ZNF519: variants seen among roughly 807,000 people sequenced by gnomAD.
ZNF519 encodes similar to Zinc finger protein 85 (Zinc finger protein HPF4) (HTF1).
A neutral mutation model predicts 7.4 loss-of-function variants in ZNF519; 7 were observed. That is an observed-to-expected ratio of 0.94 (90% CI 0.54 to 1.77). ZNF519 has a LOEUF of 1.77. ZNF519 is among the 40% of genes most tolerant of loss of function. ZNF519 has a pLI of 0.00. For synonymous variants in ZNF519, 179 were observed against 203.3 expected (o/e 0.88, Z 1.02); for missense variants, 586 against 623.1 (o/e 0.94, Z 0.63).
intron 2 of ZNF519, among the ~76,000 whole-genome samples, chr18:14,088,989 A>C (rs1011059029): frequency 6.6e-6 from 1 of 152,176 alleles, no homozygotes; most frequent in African/African-American, 2.4e-5. Context: ...ACTGAAAAAA[A>C]CATTTATTTT....
intron 3 of ZNF519, chr18:14,084,052 T>G (rs2046080340): frequency 6.6e-6 from 1 of 152,002 alleles, no homozygotes; most frequent in Non-Finnish European, 1.5e-5. Flanking sequence ...CACAGTGACA[T>G]GGAGATGGGA....
chr18:14,071,273 A>G (rs1315020509), downstream of ZNF519: 1 of 152,142 alleles, frequency 6.6e-6, no homozygotes, highest in Non-Finnish European at 1.5e-5. Context: ...TATTAAAAAT[A>G]TGTGTACAAA....
At chr18:14,120,172 A>G (rs1320856559) in intron 2 of ZNF519, among the ~76,000 whole-genome samples, 1 of 152,160 alleles carries the variant, frequency 6.6e-6, no homozygotes, top group Non-Finnish European at 1.5e-5. Flanking sequence ...TAGTAATGAA[A>G]AGAGTGTGGT....
chr18:14,105,253 C>A lies in ZNF519; in HGVS notation c.1287G>T (p.Glu429Asp). 1.2e-6 allele frequency: 2 copies of A among 1,613,246 alleles called. No individual in the cohort carries two copies. Among genetic ancestry groups the A allele is most frequent in the East Asian group, 2.2e-5 (1 of 44,854 alleles). The change falls in exon 3 of 3, where the codon GAG (glutamate) becomes GAT (aspartate). Residue 429 changes from glutamate to aspartate, a missense_variant. Transcript: ENST00000590202. The part of the protein sequence containing the change: ...LTQHQRIHTG[E>D]KHFKCKECGK... ...CACATTCTTTACATTTGAAGTGTTTCTCTCCAGTATGGATTCTCTGATGTT... is the reference window on the plus strand; with the variant it reads ...CACATTCTTTACATTTGAAGTGTTTATCTCCAGTATGGATTCTCTGATGTT...
At position 14,132,381 on chromosome 18, in the gene ZNF519, G is replaced by C. The variant is rs556199512; in HGVS notation, c.-104C>G. The C allele has an allele frequency of 1.7e-4, 241 of 1,436,394 alleles. 1 individual carries two copies. The African/African-American group carries it at 2.8e-3, about 17-fold the overall frequency. The allele number at this position is 1,436,394 out of a possible 1,614,324, so 89.0% of individuals were successfully genotyped here. ...GGCAGAATCACCGAAGTCTCCCGGAGCAGAGGACACAAGGCAATGAAGCCC... is the reference window on the plus strand; with the variant it reads ...GGCAGAATCACCGAAGTCTCCCGGACCAGAGGACACAAGGCAATGAAGCCC... On this transcript the variant is annotated 5_prime_UTR_variant, in exon 1 of 3. Transcript: ENST00000590202.
At chr18:14,130,764 A>T (rs1407248119) in intron 1 of ZNF519, among the ~76,000 whole-genome samples, 218 of 150,914 alleles carry the variant, frequency 1.4e-3, no homozygotes, top group African/African-American at 4.9e-3. Context: ...GAAGACAGGA[A>T]TAGTCTATCT....
chr18:14,110,497 A>C (rs2046214597), intron 2 of ZNF519, among the ~76,000 whole-genome samples: 1 of 152,032 alleles, frequency 6.6e-6, no homozygotes, highest in Non-Finnish European at 1.5e-5. Flanking sequence ...AATTAGCCAA[A>C]TAATAATAAT....
rs2046162284 is a variant in ZNF519 at position 14,101,672 on chromosome 18, C to T, written c.*3245G>A. ...TATAGAGACCATCTCTACACCCACA[C>T]CCCAATCGAGGCAGGAATGGCCATG... On this transcript the variant is annotated 3_prime_UTR_variant, in exon 3 of 3. Coordinates refer to ENST00000590202, the MANE Select transcript of ZNF519 (RefSeq NM_145287.4). 5.0e-6 allele frequency: 2 copies of T among 398,584 alleles called. No individual in the cohort carries two copies. The highest frequency in any genetic ancestry group is 8.8e-6 in the Non-Finnish European group (2 of 226,148). The allele number at this position is 398,584 out of a possible 1,614,324, so 24.7% of individuals were successfully genotyped here.
downstream of ZNF519, among the ~76,000 whole-genome samples, chr18:14,096,319 A>G (rs1291924828): frequency 1.3e-5 from 2 of 152,216 alleles, no homozygotes; most frequent in Non-Finnish European, 2.9e-5. Context: ...ACCAGGTATT[A>G]TAATTTCTCA....
chr18:14,090,386 G>C (rs1253973712), intron 2 of ZNF519: 1 of 152,186 alleles, frequency 6.6e-6, no homozygotes, highest in African/African-American at 2.4e-5. Context: ...CAGTTTTCTT[G>C]GTTCAAGAAA....
At chr18:14,130,883 CT>C (rs1356704669) in intron 1 of ZNF519, among the ~76,000 whole-genome samples, 2 of 151,280 alleles carry the variant, frequency 1.3e-5, no homozygotes, top group African/African-American at 4.9e-5. Flanking sequence ...CCAAGGGATT[CT>C]TTTTTTACAG....
exon 5 of ZNF519, chr18:14,076,999 G>C (rs2046050313): frequency 6.6e-6 from 1 of 152,096 alleles, no homozygotes; most frequent in African/African-American, 2.4e-5. Flanking sequence ...CACTATCGAA[G>C]GCATGAAGGT....
chr18:14,096,696 C>T (rs2046138244), downstream of ZNF519, among the ~76,000 whole-genome samples: 2 of 152,042 alleles, frequency 1.3e-5, no homozygotes, highest in Non-Finnish European at 2.9e-5. Flanking sequence ...TGTCTCCAAC[C>T]TTTAAGAGCT....
intron 2 of ZNF519, among the ~76,000 whole-genome samples, chr18:14,122,788 T>G (rs2046276121): frequency 6.6e-6 from 1 of 152,160 alleles, no homozygotes; most frequent in African/African-American, 2.4e-5. Context: ...AGTGATTTTT[T>G]TTTTATTATA....
At chr18:14,124,177 TAA>T (rs199578474) in intron 2 of ZNF519, 171 bp downstream of exon 2, 8,299 of 382,934 alleles carry the variant, frequency 0.022, no homozygotes, top group South Asian at 0.03. Context: ...CTGTCTCAAT[TAA>T]AAAAAAAAAA....
downstream of ZNF519, chr18:14,072,256 A>C (rs1465875125): frequency 1.3e-5 from 2 of 152,214 alleles, no homozygotes; most frequent in Admixed American, 6.5e-5. Context: ...TTTGATGGAC[A>C]TAAAAACACG....
In ZNF519 at chr18:14,079,570, A is replaced by C. The variant is rs539548571; in HGVS notation, c.*178-1272T>G. 2.6e-5 allele frequency among the ~76,000 whole-genome samples: 4 copies of C among 152,318 alleles called. No individual in the cohort carries two copies. The South Asian group carries it at 8.3e-4, about 32-fold the overall frequency. On this transcript the variant is annotated intron_variant and NMD_transcript_variant, in intron 3 of 4. Transcript: ENST00000587419. ...GTATTGATGAAATAATAGACAAATCAATGGGAAGAACAGAGAACCTAGAAA... is the reference window on the plus strand; with the variant it reads ...GTATTGATGAAATAATAGACAAATCCATGGGAAGAACAGAGAACCTAGAAA...
At chr18:14,125,454 C>T (rs144790501) in intron 1 of ZNF519, among the ~76,000 whole-genome samples, 105 of 152,264 alleles carry the variant, frequency 6.9e-4, no homozygotes, top group African/African-American at 2.4e-3. Flanking sequence ...CCACACTTCC[C>T]AGGATTTAAA....
intron 3 of ZNF519, among the ~76,000 whole-genome samples, chr18:14,080,814 T>A (rs1363396795): frequency 6.6e-6 from 1 of 152,158 alleles, no homozygotes; most frequent in Non-Finnish European, 1.5e-5. Context: ...TAAACGATAG[T>A]ACATCCAGAA....
Sources: gnomAD v4.1 joint callset for allele counts (sites outside exome capture counted in the v4.1 genomes callset) on GRCh38, gnomAD v4.1.1 for gene constraint, MANE v1.5 for transcripts, NCBI Gene and HGNC (gene_info 2026-07-23, HGNC 2026-07-21) for gene names.